Variants in HPCAL1 observed in about 807,000 individuals in gnomAD.
HPCAL1 encodes the protein hippocalcin like 1, also known as hippocalcin-like protein 1.
Under a neutral mutation model 17.1 loss-of-function variants are expected in HPCAL1, and 8 were observed. The observed-to-expected ratio is 0.47, with a 90% CI of 0.27 to 0.84. HPCAL1 has a LOEUF of 0.84. HPCAL1 is among the 40% of genes least tolerant of loss of function. HPCAL1 has a pLI of 0.13. For missense variants in HPCAL1, 165 were observed against 271.1 expected (o/e 0.61, Z 2.75); for synonymous variants, 112 against 111.4 (o/e 1.01, Z -0.03).
intron 1 of HPCAL1, among the ~76,000 whole-genome samples, chr2:10,350,766 G>T (rs1019258549): frequency 7.2e-5 from 11 of 152,148 alleles, no homozygotes; most frequent in African/African-American, 2.7e-4. Flanking sequence ...TAAAAAATGG[G>T]CAAGGGACTT....
At chr2:10,366,427 G>A (rs1476208816) in intron 1 of HPCAL1, among the ~76,000 whole-genome samples, 1 of 152,098 alleles carries the variant, frequency 6.6e-6, no homozygotes, top group Non-Finnish European at 1.5e-5. Flanking sequence ...GTAGAGACGG[G>A]GTTTCACCAT....
chr2:10,358,679 C>G (rs9678729), intron 1 of HPCAL1, among the ~76,000 whole-genome samples: 1 of 152,052 alleles, frequency 6.6e-6, no homozygotes, highest in African/African-American at 2.4e-5. Context: ...GCTGGCAGGC[C>G]ACTGACCAGC....
intron 2 of HPCAL1, among the ~76,000 whole-genome samples, chr2:10,407,763 G>A (rs532535894): frequency 4.6e-5 from 7 of 152,324 alleles, no homozygotes; most frequent in South Asian, 2.1e-4. Context: ...CTGCAGGTGC[G>A]AAGGCCCTGA....
chr2:10,332,141 T>A (rs987530554), intron 1 of HPCAL1, among the ~76,000 whole-genome samples: 1 of 152,110 alleles, frequency 6.6e-6, no homozygotes, highest in Non-Finnish European at 1.5e-5. Context: ...CCTTCCTGCT[T>A]TTGGGGACGA....
chr2:10,323,132 G>T lies in HPCAL1; in HGVS notation c.-111+19955G>T, dbSNP rs905100119. 1.3e-5 allele frequency among the ~76,000 whole-genome samples: 2 copies of T among 152,166 alleles called. No homozygotes were observed. The highest frequency in any genetic ancestry group is 4.1e-4 in the South Asian group (2 of 4,834). ...AGCCACCACCACTGGCCGCTTCATG[G>T]CATGTTTCCAGCACAACTCTCTGAC... On this transcript the variant is annotated intron_variant, in intron 1 of 4. Transcript: ENST00000307845. The surrounding 1 kb of genome is among the most constrained non-coding windows in gnomAD (Gnocchi z 4.6).
chr2:10,317,304 G>A (rs892403476), intron 1 of HPCAL1, among the ~76,000 whole-genome samples: 3 of 152,074 alleles, frequency 2.0e-5, no homozygotes, highest in Non-Finnish European at 2.9e-5. Context: ...GCACTTCCAT[G>A]CATCAAGACC....
At chr2:10,333,235 C>T (rs1289142934) in intron 1 of HPCAL1, among the ~76,000 whole-genome samples, 4 of 152,192 alleles carry the variant, frequency 2.6e-5, no homozygotes, top group East Asian at 3.8e-4. Flanking sequence ...AGGAGAGACT[C>T]GGGAAATTAC....
In HPCAL1 at chr2:10,421,933, G is replaced by T. The variant is rs191650915; in HGVS notation, c.379-1050G>T. On this transcript the variant is annotated intron_variant, in intron 3 of 4. Coordinates refer to ENST00000307845, the MANE Select transcript of HPCAL1 (RefSeq NM_002149.4). ...ACTCTGGTACTGTCGTCACTTTCTG[G>T]CTCTTAGCTTCATGCAGTGGCGGAA... 3.9e-5 allele frequency among the ~76,000 whole-genome samples: 6 copies of T among 152,256 alleles called. No individual in the cohort carries two copies. The East Asian group carries it at 9.6e-4, about 24-fold the overall frequency.
chr2:10,314,878 A>C (rs1663209147), intron 1 of HPCAL1, among the ~76,000 whole-genome samples: 1 of 152,338 alleles, frequency 6.6e-6, no homozygotes, highest in Non-Finnish European at 1.5e-5. Context: ...ATTAGCGGTA[A>C]TAAGATAGTA....
chr2:10,337,989 G>T (rs1013293820), intron 1 of HPCAL1, among the ~76,000 whole-genome samples: 2 of 152,222 alleles, frequency 1.3e-5, no homozygotes, highest in South Asian at 4.1e-4. Context: ...TTTAGAGAAA[G>T]TCAGGGGAGC....
chr2:10,304,609 C>G lies in HPCAL1; in HGVS notation c.-111+1432C>G, dbSNP rs1572596278. Among the ~76,000 whole-genome samples, 2 of 152,230 alleles carry G rather than the reference C, an allele frequency of 1.3e-5. No individual in the cohort carries two copies. The highest frequency in any genetic ancestry group is 4.1e-4 in the South Asian group (2 of 4,836). On this transcript the variant is annotated intron_variant, in intron 1 of 4. Transcript: ENST00000307845. This position sits in a 1 kb window ranked among gnomAD's most constrained non-coding sequence, Gnocchi z 4.1. ...ACATTTACTTTTGAAACCTACTAGT[C>G]GTAAAATTGAACCGCAGTGAACGAG... is the stretch of plus-strand genomic sequence containing the variant.
chr2:10,396,750 G>C (rs1395959749), intron 1 of HPCAL1, 85 bp from the exon 2 acceptor site: 1 of 152,338 alleles, frequency 6.6e-6, no homozygotes, highest in Non-Finnish European at 1.5e-5. Flanking sequence ...CCCCCAGCAG[G>C]CACCACAGAA....
intron 1 of HPCAL1, among the ~76,000 whole-genome samples, chr2:10,318,801 G>C (rs1183477906): frequency 6.6e-6 from 1 of 152,152 alleles, no homozygotes; most frequent in Admixed American, 6.5e-5. Context: ...GTAGTGAACA[G>C]GCCATCCTTT....
In HPCAL1 at chr2:10,362,284, G is replaced by A. The variant is rs1666570384; in HGVS notation, c.-110-34551G>A. ...GGAACCCAGGTGTCGAGAATGAGCTGTTGGCACTCAGTCCTGGAGTGGCAG... is the reference window on the plus strand; with the variant it reads ...GGAACCCAGGTGTCGAGAATGAGCTATTGGCACTCAGTCCTGGAGTGGCAG... On this transcript the variant is annotated intron_variant, in intron 1 of 4. Coordinates refer to ENST00000307845, the MANE Select transcript of HPCAL1 (RefSeq NM_002149.4). The surrounding 1 kb of genome is among the most constrained non-coding windows in gnomAD (Gnocchi z 5.0). 2.0e-5 allele frequency among the ~76,000 whole-genome samples: 3 copies of A among 152,208 alleles called. No individual in the cohort carries two copies. The highest frequency in any genetic ancestry group is 4.1e-4 in the South Asian group (2 of 4,824).
intron 1 of HPCAL1, among the ~76,000 whole-genome samples, chr2:10,370,404 T>C (rs1667132596): frequency 6.6e-6 from 1 of 152,254 alleles, no homozygotes; most frequent in Non-Finnish European, 1.5e-5. Flanking sequence ...TGACCTGTTT[T>C]GTTCCAACCC....
intron 2 of HPCAL1, among the ~76,000 whole-genome samples, chr2:10,405,602 C>T (rs1359233850): frequency 1.3e-5 from 2 of 152,204 alleles, no homozygotes; most frequent in Non-Finnish European, 2.9e-5. Flanking sequence ...CCATCTGACG[C>T]GTAGATCTTC....
At chr2:10,333,700 A>T (rs575416442) in intron 1 of HPCAL1, among the ~76,000 whole-genome samples, 22 of 152,268 alleles carry the variant, frequency 1.4e-4, no homozygotes, top group Admixed American at 1.0e-3. Flanking sequence ...AGACTGGAAA[A>T]CACAGAAAAA....
intron 4 of HPCAL1, chr2:10,424,636 A>G (rs1486401944): frequency 2.1e-6 from 1 of 470,916 alleles, no homozygotes; most frequent in Admixed American, 2.3e-5. Flanking sequence ...TTTGGATGGC[A>G]TGGTCGTTGC....
At chr2:10,399,910 C>T (rs1045053999) in intron 2 of HPCAL1, among the ~76,000 whole-genome samples, 3 of 152,226 alleles carry the variant, frequency 2.0e-5, no homozygotes, top group Non-Finnish European at 1.5e-5. Context: ...AGGCTCTGGG[C>T]TTCTGATGGA....
Sources: allele counts gnomAD v4.1 joint callset (sites outside exome capture counted in the v4.1 genomes callset), GRCh38; gene constraint gnomAD v4.1.1; non-coding constraint Gnocchi (gnomAD v3.1); transcripts MANE v1.5; gene names NCBI Gene and HGNC (gene_info 2026-07-23, HGNC 2026-07-21).